TIAM2: variants seen among roughly 807,000 people sequenced by gnomAD.
TIAM2 encodes the protein TIAM Rac1 associated GEF 2, also known as rho guanine nucleotide exchange factor TIAM2.
Under a neutral mutation model 152.9 loss-of-function variants are expected in TIAM2, and 80 were observed. The observed-to-expected ratio is 0.52, with a 90% confidence interval of 0.44 to 0.63. The LOEUF is 0.63. Ranked by LOEUF, TIAM2 falls within the 30% of genes least tolerant of loss-of-function variation. The probability of loss-of-function intolerance (pLI) is 0.00; values close to 1 mark genes in which losing one functional copy is unlikely to be tolerated. For missense variants in TIAM2, 1,965 were observed against 2,120.1 expected (o/e 0.93, Z 1.44); for synonymous variants, 804 against 838.0 (o/e 0.96, Z 0.70).
intron 14 of TIAM2, among the ~76,000 whole-genome samples, chr6:155,194,734 C>A (rs759017107): frequency 1.5e-4 from 23 of 152,190 alleles, no homozygotes; most frequent in Non-Finnish European, 2.8e-4. Flanking sequence ...AACCCCAGGT[C>A]TTCCGCTTTA....
chr6:155,073,136 T>C (rs1777877238), intron 1 of TIAM2, among the ~76,000 whole-genome samples: 1 of 151,890 alleles, frequency 6.6e-6, no homozygotes, highest in South Asian at 2.1e-4. Context: ...CTGGTGCTTT[T>C]CTTGCTTCAG....
chr6:155,237,255 C>T (rs1052515706), intron 15 of TIAM2, among the ~76,000 whole-genome samples: 1 of 152,228 alleles, frequency 6.6e-6, no homozygotes, highest in Admixed American at 6.5e-5. Context: ...CCTTTGACTC[C>T]ATGTCTCACA....
At chr6:155,191,150 C>T (rs552990700) in intron 14 of TIAM2, among the ~76,000 whole-genome samples, 1 of 152,222 alleles carries the variant, frequency 6.6e-6, no homozygotes, top group East Asian at 1.9e-4. Flanking sequence ...CAGCTAAGTC[C>T]CCCTAAGCTA....
chr6:155,052,513 C>T lies in TIAM2; in HGVS notation c.-208-37776C>T, dbSNP rs183407749. Among the ~76,000 whole-genome samples the T allele has an allele frequency of 1.2e-3, 180 of 152,104 alleles. 1 individual carries two copies. The highest frequency in any genetic ancestry group is 4.0e-3 in the African/African-American group (164 of 41,502). On this transcript the variant is annotated intron_variant, in intron 1 of 26. Transcript: ENST00000682666. ...TGTCACGGTGGCTCACACCTGTAATCCTAGCACTTTGGGAGGCCAAGGCAG... is the reference window on the plus strand; with the variant it reads ...TGTCACGGTGGCTCACACCTGTAATTCTAGCACTTTGGGAGGCCAAGGCAG...
At chr6:155,064,619 T>C (rs1777649905) in intron 1 of TIAM2, among the ~76,000 whole-genome samples, 1 of 152,188 alleles carries the variant, frequency 6.6e-6, no homozygotes, top group Non-Finnish European at 1.5e-5. Context: ...GCAAAATGCT[T>C]TTGAGTAATT....
intron 1 of TIAM2, among the ~76,000 whole-genome samples, chr6:155,055,730 G>A (rs1777430540): frequency 6.6e-6 from 1 of 152,198 alleles, no homozygotes; most frequent in South Asian, 2.1e-4. Context: ...GGGAGGCCAA[G>A]GTGGGAGGAT....
intron 7 of TIAM2, among the ~76,000 whole-genome samples, chr6:155,160,723 T>G (rs1780247040): frequency 6.6e-6 from 1 of 152,118 alleles, no homozygotes. Flanking sequence ...AATGTACCAC[T>G]GCATCCCCAG....
At chr6:155,061,347 A>G (rs531639180) in intron 1 of TIAM2, among the ~76,000 whole-genome samples, 31 of 149,828 alleles carry the variant, frequency 2.1e-4, no homozygotes, top group African/African-American at 6.4e-4. Context: ...CTCTAGATAC[A>G]CACATGTATC....
intron 15 of TIAM2, among the ~76,000 whole-genome samples, chr6:155,228,800 C>T (rs1782336711): frequency 6.6e-6 from 1 of 152,158 alleles, no homozygotes; most frequent in African/African-American, 2.4e-5. Context: ...GCCCGACGCT[C>T]CTCCTGTTCC....
chr6:155,016,503 T>TG, intron 1 of TIAM2: 1 of 86,912 alleles, frequency 1.2e-5, no homozygotes, highest in Non-Finnish European at 2.3e-5. Context: ...TAAATGGTAT[T>TG]TACATTTAAA....
rs1272090906 is a variant in TIAM2, at chr6:155,114,039, TTTTTTTTTTTC to T, written c.-117-13440_-117-13430del. Reference sequence around the variant, plus strand: ...TTATATATATATATATATATATATTTTTTTTTTTTTCTTTTTTTTTTTTTTTTTTTTTGAAA... The same window carrying T: ...TTATATATATATATATATATATATTTTTTTTTTTTTTTTTTTTTTTTGAAA... On this transcript the variant is annotated intron_variant, in intron 2 of 26. Transcript: ENST00000682666. 2.3e-3 allele frequency among the ~76,000 whole-genome samples: 157 copies of T among 66,970 alleles called. 3 individuals are homozygous for T. The highest frequency in any genetic ancestry group is 1.0e-2 in the African/African-American group (144 of 14,432). 43.9% of individuals were successfully genotyped at this position (66,970 alleles called of 152,430 possible). A position where few individuals can be genotyped will look rare whatever the true frequency, so the allele number is the denominator to read the frequency against.
chr6:155,169,644 G>A (rs1459218708), intron 9 of TIAM2, among the ~76,000 whole-genome samples: 1 of 152,116 alleles, frequency 6.6e-6, no homozygotes, highest in Non-Finnish European at 1.5e-5. Flanking sequence ...GTCAAGGGGA[G>A]CCTGAGTAAT....
At chr6:155,123,450 GT>G (rs1779220291) in intron 2 of TIAM2, among the ~76,000 whole-genome samples, 1 of 152,156 alleles carries the variant, frequency 6.6e-6, no homozygotes, top group East Asian at 1.9e-4. Flanking sequence ...TGTCTATTGA[GT>G]GCTTATATGA....
chr6:155,061,837 G>T (rs557335466), intron 1 of TIAM2, among the ~76,000 whole-genome samples: 35 of 152,214 alleles, frequency 2.3e-4, no homozygotes, highest in African/African-American at 8.4e-4. Context: ...AAAAAAATTT[G>T]TATGACAGTT....
chr6:155,250,291 CTTTTTTT>C (rs11320509), intron 21 of TIAM2, among the ~76,000 whole-genome samples: 2 of 133,698 alleles, frequency 1.5e-5, no homozygotes, highest in African/African-American at 2.8e-5. Context: ...TTGATTTTGC[CTTTTTTT>C]TTTTTTTTTT....
chr6:155,043,661 T>C (rs1339599955), intron 1 of TIAM2, among the ~76,000 whole-genome samples: 2 of 107,646 alleles, frequency 1.9e-5, no homozygotes, highest in East Asian at 6.8e-4. Context: ...AAAAAAAGGA[T>C]CTGTAAGGCA....
At chr6:154,996,054 G>C (rs1416635327) in intron 1 of TIAM2, among the ~76,000 whole-genome samples, 3 of 152,094 alleles carry the variant, frequency 2.0e-5, no homozygotes, top group African/African-American at 7.3e-5. Flanking sequence ...AGCCATCCCG[G>C]ACGGGCGCGG....
At chr6:155,087,685 G>T (rs554768702) in intron 1 of TIAM2, among the ~76,000 whole-genome samples, 3 of 152,148 alleles carry the variant, frequency 2.0e-5, no homozygotes, top group South Asian at 2.1e-4. Flanking sequence ...GGAGGCGGAG[G>T]TTGCAGTGAG....
At chr6:155,084,030 C>T (rs1248284400) in intron 1 of TIAM2, among the ~76,000 whole-genome samples, 7 of 152,178 alleles carry the variant, frequency 4.6e-5, no homozygotes, top group African/African-American at 1.7e-4. Flanking sequence ...TGCCCACCTC[C>T]CCTTCCTAAG....
Sources: gnomAD v4.1 joint callset for allele counts (sites outside exome capture counted in the v4.1 genomes callset) on GRCh38, gnomAD v4.1.1 for gene constraint, MANE v1.5 for transcripts, NCBI Gene and HGNC (gene_info 2026-07-23, HGNC 2026-07-21) for gene names.